Variants in PTPRK observed in about 807,000 individuals in gnomAD.
PTPRK encodes receptor-type tyrosine-protein phosphatase kappa.
A neutral mutation model predicts 178.0 loss-of-function variants in PTPRK; 75 were observed. That is an observed-to-expected ratio of 0.42 (90% CI 0.35 to 0.51). The LOEUF (loss-of-function observed/expected upper bound fraction) is 0.51, where lower values mean the gene tolerates loss of function less well. Among genes scored for constraint, PTPRK ranks in the 20% least tolerant of loss-of-function variants. PTPRK has a pLI of 0.02. For synonymous variants in PTPRK, 637 were observed against 620.6 expected (o/e 1.03, Z -0.39); for missense variants, 1,441 against 1,797.8 (o/e 0.80, Z 3.59).
intron 3 of PTPRK, among the ~76,000 whole-genome samples, chr6:128,262,809 C>CT (rs1299423913): frequency 2.2e-3 from 206 of 93,702 alleles, no homozygotes; most frequent in South Asian, 5.7e-3. Context: ...AATGGTACTT[C>CT]TTTTTTTTTT....
At chr6:128,516,034 G>A (rs79723809) in intron 1 of PTPRK, among the ~76,000 whole-genome samples, 2,495 of 152,282 alleles carry the variant, frequency 0.016, 34 homozygotes, top group Non-Finnish European at 0.026. Flanking sequence ...GAGATTTGGT[G>A]GGAATGTTGG....
intron 1 of PTPRK, among the ~76,000 whole-genome samples, chr6:128,484,743 T>C (rs1486255689): frequency 6.6e-6 from 1 of 152,190 alleles, no homozygotes; most frequent in African/African-American, 2.4e-5. Flanking sequence ...AATGAGGCAA[T>C]GGAAAATTGC....
At chr6:128,329,332 A>G (rs1028877715) in intron 2 of PTPRK, among the ~76,000 whole-genome samples, 2 of 151,912 alleles carry the variant, frequency 1.3e-5, no homozygotes, top group Non-Finnish European at 2.9e-5. Context: ...CTACCCTAGT[A>G]CGAAGGATAT....
intron 2 of PTPRK, among the ~76,000 whole-genome samples, chr6:128,332,743 A>T (rs17055727): frequency 0.088 from 13,425 of 152,184 alleles, 730 homozygotes; most frequent in African/African-American, 0.15. Flanking sequence ...TTCATCCCAA[A>T]GTGAGTCAGG....
intron 13 of PTPRK, among the ~76,000 whole-genome samples, chr6:128,024,750 C>G (rs982265759): frequency 2.6e-5 from 4 of 152,070 alleles, no homozygotes; most frequent in African/African-American, 9.7e-5. Flanking sequence ...GCAGAGGTTG[C>G]AGTGAGCCGA....
intron 3 of PTPRK, among the ~76,000 whole-genome samples, chr6:128,252,347 T>A (rs772478939): frequency 1.3e-5 from 2 of 152,340 alleles, no homozygotes; most frequent in South Asian, 4.1e-4. Context: ...CACTAGTTAT[T>A]TAAATTAATT....
chr6:128,414,539 A>T (rs1455592075), intron 1 of PTPRK, among the ~76,000 whole-genome samples: 2 of 152,338 alleles, frequency 1.3e-5, no homozygotes, highest in Non-Finnish European at 2.9e-5. Flanking sequence ...CTAAATTTTT[A>T]AAAAATGAAT....
In PTPRK at chr6:128,234,056, T is replaced by C. The variant is rs377531799; in HGVS notation, c.693+5979A>G. 4.5e-4 allele frequency among the ~76,000 whole-genome samples: 68 copies of C among 152,352 alleles called. 1 individual carries two copies. In the South Asian group the frequency reaches 0.014, roughly 31 times the overall value. The stretch of plus-strand genomic sequence containing the variant: ...GGTGTCCACTTATACTGGACCTTCA[T>C]AATAGAATACTAATGCATAACTTTC... On this transcript the variant is annotated intron_variant, in intron 5 of 29. Transcript: ENST00000368226.
Position 128,032,198 on chromosome 6 carries a change from C to T in PTPRK, c.2195-22930G>A, listed in dbSNP as rs185105310. Among the ~76,000 whole-genome samples the T allele has an allele frequency of 2.6e-5, 4 of 152,302 alleles. No individual in the cohort carries two copies. In the East Asian group the frequency reaches 5.8e-4, roughly 22 times the overall value. The stretch of plus-strand genomic sequence containing the variant: ...GGCTGCTGCCTCTCACCTTCAGATG[C>T]CCTTTGAGCCCTGCCTCCTGACTTA... On this transcript the variant is annotated intron_variant, in intron 13 of 29. Transcript: ENST00000368226.
chr6:128,061,007 C>G (rs1780710215), intron 13 of PTPRK, among the ~76,000 whole-genome samples: 1 of 152,120 alleles, frequency 6.6e-6, no homozygotes, highest in South Asian at 2.1e-4. Context: ...ACCAACTCAA[C>G]AAATATTTAT....
intron 7 of PTPRK, among the ~76,000 whole-genome samples, chr6:128,171,826 T>C (rs1361484779): frequency 1.3e-5 from 2 of 152,004 alleles, no homozygotes; most frequent in Non-Finnish European, 1.5e-5. Flanking sequence ...AGGTAACATT[T>C]ACCCCATTTT....
intron 1 of PTPRK, among the ~76,000 whole-genome samples, chr6:128,475,576 G>T (rs61143917): frequency 0.046 from 7,019 of 152,066 alleles, 238 homozygotes; most frequent in African/African-American, 0.1. Context: ...TTTGATGTAA[G>T]GAAGGTAGGA....
At chr6:128,425,127 G>C (rs1187817746) in intron 1 of PTPRK, among the ~76,000 whole-genome samples, 1 of 150,706 alleles carries the variant, frequency 6.6e-6, no homozygotes, top group Non-Finnish European at 1.5e-5. Flanking sequence ...TACCAGGCTG[G>C]AGTGCAGTGG....
intron 7 of PTPRK, among the ~76,000 whole-genome samples, chr6:128,128,275 T>C (rs148876947): frequency 6.6e-6 from 1 of 152,242 alleles, no homozygotes; most frequent in Non-Finnish European, 1.5e-5. Context: ...GTAGTTTGCA[T>C]AGCAAGTCAG....
intron 7 of PTPRK, among the ~76,000 whole-genome samples, chr6:128,120,146 C>T (rs1037802380): frequency 5.9e-5 from 9 of 151,738 alleles, no homozygotes; most frequent in Non-Finnish European, 1.3e-4. Flanking sequence ...AAACTTAATC[C>T]TACTTTCAAG....
chr6:128,083,888 G>A, intron 8 of PTPRK, 64 bp from the exon 9 acceptor site: 2 of 764,064 alleles, frequency 2.6e-6, no homozygotes, highest in Non-Finnish European at 4.0e-6. Context: ...AAGTAAATCA[G>A]ATAAGCTAGA....
intron 5 of PTPRK, among the ~76,000 whole-genome samples, chr6:128,239,483 T>C (rs1030589209): frequency 1.3e-5 from 2 of 152,226 alleles, no homozygotes; most frequent in Non-Finnish European, 2.9e-5. Context: ...TTCCCCAACA[T>C]GTATGTTAAA....
At chr6:128,462,764 T>C (rs1331783861) in intron 1 of PTPRK, among the ~76,000 whole-genome samples, 1 of 151,956 alleles carries the variant, frequency 6.6e-6, no homozygotes, top group Non-Finnish European at 1.5e-5. Flanking sequence ...CAAGCGATTC[T>C]CCTGCCTCAG....
chr6:128,056,957 G>C (rs1780009412), intron 13 of PTPRK, among the ~76,000 whole-genome samples: 1 of 152,154 alleles, frequency 6.6e-6, no homozygotes, highest in Non-Finnish European at 1.5e-5. Flanking sequence ...AGGTTCTAAA[G>C]AGTGTTTTCA....
Sources: allele counts gnomAD v4.1 joint callset (sites outside exome capture counted in the v4.1 genomes callset), GRCh38; gene constraint gnomAD v4.1.1; transcripts MANE v1.5; gene names NCBI Gene and HGNC (gene_info 2026-07-23, HGNC 2026-07-21).